The following ANK3 variants were observed in gnomAD, a reference collection of about 807,000 sequenced individuals.
The protein encoded by ANK3 is ankyrin 3.
Under a neutral mutation model 370.9 loss-of-function variants are expected in ANK3, and 57 were observed. The ratio of observed to expected loss-of-function variants is 0.15; its 90% CI spans 0.12 to 0.19. The LOEUF (loss-of-function observed/expected upper bound fraction) is 0.19. Ranked by LOEUF, ANK3 falls within the 10% of genes least tolerant of loss-of-function variation. ANK3 has a pLI of 1.00. For synonymous variants in ANK3, 1,929 were observed against 1,946.3 expected (o/e 0.99, Z 0.23); for missense variants, 4,439 against 5,302.1 (o/e 0.84, Z 5.06).
intron 2 of ANK3, among the ~76,000 whole-genome samples, chr10:60,524,403 G>C (rs2076420989): frequency 6.6e-6 from 1 of 152,124 alleles, no homozygotes; most frequent in South Asian, 2.1e-4. Context: ...AGTCCCACAA[G>C]TTGTGGGAGG....
intron 23 of ANK3, among the ~76,000 whole-genome samples, chr10:60,149,922 T>C (rs540046743): frequency 6.6e-6 from 1 of 152,364 alleles, no homozygotes; most frequent in East Asian, 1.9e-4. Context: ...TTGGCCAGGC[T>C]GGTCTCAAAC....
At chr10:60,698,953 T>G (rs1276537898) in intron 1 of ANK3, among the ~76,000 whole-genome samples, 2 of 151,050 alleles carry the variant, frequency 1.3e-5, no homozygotes, top group Non-Finnish European at 3.0e-5. Context: ...AAAACAGACT[T>G]TGGAGTGAAT....
intron 2 of ANK3, among the ~76,000 whole-genome samples, chr10:60,412,390 C>T (rs1482502300): frequency 1.3e-5 from 2 of 152,174 alleles, no homozygotes; most frequent in Admixed American, 1.3e-4. Context: ...GCTTAGTTCT[C>T]AGACCTTCAG....
chr10:60,511,605 T>C (rs2076081924), intron 2 of ANK3, among the ~76,000 whole-genome samples: 1 of 152,138 alleles, frequency 6.6e-6, no homozygotes, highest in African/African-American at 2.4e-5. Flanking sequence ...TGTCTCAGAA[T>C]ATTATTTTCA....
At chr10:60,347,862 A>G (rs550352979) in intron 1 of ANK3, among the ~76,000 whole-genome samples, 1 of 152,232 alleles carries the variant, frequency 6.6e-6, no homozygotes, top group Non-Finnish European at 1.5e-5. Context: ...CTGTTGGCTC[A>G]GGGACCAAGT....
Position 60,181,373 on chromosome 10 carries a change from C to T in ANK3, c.2140G>A (p.Glu714Lys). The part of the protein sequence containing the change: ...AAQEDRVNVA[E>K]VLVNQGAHVD... Reference sequence around the variant, plus strand: ...TGAGCCCCTTGGTTTACGAGGACTTCTGCCACATTCACTCGATCTTCTTGA... The same window carrying T: ...TGAGCCCCTTGGTTTACGAGGACTTTTGCCACATTCACTCGATCTTCTTGA... Residue 714 changes from glutamate to lysine, a missense_variant, in exon 18 of 44, where the codon GAA becomes AAA. This residue lies in a region of ANK3 where 702 missense variants were observed against 941.5 expected (regional missense o/e 0.75). Transcript: ENST00000280772. 3 of 1,614,168 alleles carry T rather than the reference C, an allele frequency of 1.9e-6. No individual in the cohort carries two copies. The highest frequency in any genetic ancestry group is 2.5e-6 in the Non-Finnish European group (3 of 1,180,022).
At chr10:60,607,249 T>C (rs1161839883) in intron 2 of ANK3, among the ~76,000 whole-genome samples, 1 of 152,166 alleles carries the variant, frequency 6.6e-6, no homozygotes, top group East Asian at 1.9e-4. Context: ...ATAAGGTAGG[T>C]ATTATATCTA....
chr10:60,503,331 A>G (rs2133148157), intron 2 of ANK3, among the ~76,000 whole-genome samples: 1 of 152,324 alleles, frequency 6.6e-6, no homozygotes, highest in Admixed American at 6.5e-5. Flanking sequence ...AATCAATAAT[A>G]AAACAGTAGA....
intron 42 of ANK3, among the ~76,000 whole-genome samples, chr10:60,053,361 G>C (rs1013296508): frequency 5.9e-5 from 9 of 152,112 alleles, no homozygotes; most frequent in Non-Finnish European, 1.3e-4. Flanking sequence ...AAGTAGAAGA[G>C]CATCTATGTT....
intron 26 of ANK3, among the ~76,000 whole-genome samples, 199 bp downstream of exon 26, chr10:60,114,026 C>A (rs2092908744): frequency 1.3e-5 from 1 of 75,858 alleles, no homozygotes; most frequent in Non-Finnish European, 2.4e-5. Flanking sequence ...TTAAATTTTT[C>A]TCAAAAAAAA....
chr10:60,597,111 TA>T (rs941864490), intron 2 of ANK3, among the ~76,000 whole-genome samples: 8 of 151,838 alleles, frequency 5.3e-5, no homozygotes, highest in African/African-American at 9.7e-5. Context: ...CCCCCAAATG[TA>T]AAAAAAATAG....
chr10:60,099,406 T>C (rs974749891), intron 28 of ANK3, among the ~76,000 whole-genome samples: 15 of 152,294 alleles, frequency 9.8e-5, no homozygotes, highest in Admixed American at 7.2e-4. Context: ...ACTTTTGCAG[T>C]GCACCAAGGA....
intron 1 of ANK3, among the ~76,000 whole-genome samples, chr10:60,299,177 CT>C (rs2043169559): frequency 1.3e-5 from 2 of 152,106 alleles, no homozygotes; most frequent in Admixed American, 6.6e-5. Context: ...TAAAATCTCA[CT>C]TGATTAAAAT....
At chr10:60,609,086 T>C (rs1437350067) in intron 2 of ANK3, among the ~76,000 whole-genome samples, 3 of 152,170 alleles carry the variant, frequency 2.0e-5, no homozygotes, top group African/African-American at 7.2e-5. Context: ...GACTGTATAG[T>C]AGTGGTGGTG....
chr10:60,255,339 C>T lies in ANK3; in HGVS notation c.798+6520G>A, dbSNP rs115337500. ...GGAAGGTAAATAGAAAAAAGGCTATCAGGCAGCAAAAACAAATCATCCTCT... is the reference window on the plus strand; with the variant it reads ...GGAAGGTAAATAGAAAAAAGGCTATTAGGCAGCAAAAACAAATCATCCTCT... On this transcript the variant is annotated intron_variant, in intron 7 of 43. Transcript: ENST00000280772. 7.6e-3 allele frequency among the ~76,000 whole-genome samples: 1,153 copies of T among 152,218 alleles called. 16 individuals carry two copies. The highest frequency in any genetic ancestry group is 0.027 in the African/African-American group (1,108 of 41,524).
At chr10:60,517,772 G>C (rs117683392) in intron 2 of ANK3, among the ~76,000 whole-genome samples, 1 of 146,740 alleles carries the variant, frequency 6.8e-6, no homozygotes, top group Non-Finnish European at 1.5e-5. Context: ...GAGAGAGAGA[G>C]AGACAGAAGT....
At chr10:60,433,856 C>T (rs1005372603) in intron 2 of ANK3, among the ~76,000 whole-genome samples, 4 of 152,330 alleles carry the variant, frequency 2.6e-5, no homozygotes, top group Admixed American at 6.5e-5. Flanking sequence ...ATGAGTAGTG[C>T]TTTCCTTGGA....
Position 60,186,833 on chromosome 10 carries a change from T to G in ANK3, c.1967A>C (p.Asp656Ala). ...IATTLLEYGA[D>A]ANAVTRQGIA... is the part of the protein sequence containing the mutation. ...TCCTTGCCGGGTAACTGCGTTGGCA[T>G]CAGCACCATATTCCAGCAGAGTTGT... The change falls in exon 17 of 44, where the codon GAT (aspartate) becomes GCT (alanine). Residue 656 changes from aspartate (D) to alanine (A), a missense_variant. Physicochemically the swap from Asp to Ala is moderately radical, Grantham distance 126. This residue lies in a region of ANK3 where 192 missense variants were observed against 192.1 expected (regional missense o/e 1.00). Coordinates refer to ENST00000280772, the MANE Select transcript of ANK3 (RefSeq NM_020987.5). The G allele has an allele frequency of 6.2e-7, 1 of 1,614,206 alleles. No individual in the cohort carries two copies. The highest frequency in any genetic ancestry group is 8.5e-7 in the Non-Finnish European group (1 of 1,180,038).
At chr10:60,297,346 A>T (rs1026881318) in intron 1 of ANK3, among the ~76,000 whole-genome samples, 1 of 152,190 alleles carries the variant, frequency 6.6e-6, no homozygotes, top group Non-Finnish European at 1.5e-5. Flanking sequence ...TCTTACTTAC[A>T]AAAGTAAAAA....
Sources: gnomAD v4.1 joint callset for allele counts (sites outside exome capture counted in the v4.1 genomes callset) on GRCh38, gnomAD v4.1.1 for gene constraint, gnomAD v4.1.1 regional missense constraint, MANE v1.5 for transcripts, NCBI Gene and HGNC (gene_info 2026-07-23, HGNC 2026-07-21) for gene names.